The following STX16 variants were observed in gnomAD, a reference collection of about 807,000 sequenced individuals.
The protein encoded by STX16 is syntaxin-16.
In STX16, 28 loss-of-function variants were observed where a neutral mutation model predicts 42.7. The observed-to-expected ratio is 0.66, with a 90% CI of 0.49 to 0.90. STX16 has a LOEUF of 0.90. Among genes scored for constraint, STX16 ranks in the 40% least tolerant of loss-of-function variants. The probability of loss-of-function intolerance (pLI) is 0.00; values close to 1 mark genes in which losing one functional copy is unlikely to be tolerated. For missense variants in STX16, 361 were observed against 420.9 expected, an observed-to-expected ratio of 0.86 and a Z score of 1.24; for synonymous variants, 156 against 155.2, an observed-to-expected ratio of 1.00 and a Z score of -0.04.
At position 58,673,643 on chromosome 20, in the gene STX16, G is replaced by C. The variant is rs1214387672; in HGVS notation, c.805G>C (p.Asp269His). The change falls in exon 8 of 9, where the codon GAC (aspartate) becomes CAC (histidine). Residue 269 changes from aspartate to histidine, a missense_variant. Coordinates refer to ENST00000371141, the MANE Select transcript of STX16 (RefSeq NM_001001433.3). Reference protein sequence around the residue: ...AMIVEQGTVLDRIDYNVEQSC... With the variant: ...AMIVEQGTVLHRIDYNVEQSC... The stretch of plus-strand genomic sequence containing the variant: ...ATTTATTACCTAGGGTACAGTCCTT[G>C]ACAGAATTGACTATAACGTTGAACA... The C allele has an allele frequency of 6.2e-7, 1 of 1,612,410 alleles. No homozygotes were observed. The highest frequency in any genetic ancestry group is 1.3e-5 in the African/African-American group (1 of 74,910).
At chr20:58,659,558 C>T in intron 1 of STX16, 65 bp from the exon 2 acceptor site, 1 of 1,565,440 alleles carries the variant, frequency 6.4e-7, no homozygotes, top group South Asian at 1.2e-5. Context: ...TCTGTCTGTC[C>T]CATGCTGCTT....
Position 58,671,239 on chromosome 20 carries a change from A to G in STX16, c.734A>G (p.Gln245Arg). The change falls in exon 7 of 9, where the codon CAG becomes CGG. Residue 245 changes from glutamine (Q) to arginine (R), a missense_variant. Physicochemically the swap from Gln to Arg is conservative, Grantham distance 43. Coordinates refer to ENST00000371141, the MANE Select transcript of STX16 (RefSeq NM_001001433.3). ...EREREIRQIVQSISDLNEIFR... is the reference protein window; with the variant it reads ...EREREIRQIVRSISDLNEIFR... ...GAACGAGAGATTCGCCAGATTGTAC[A>G]GTCCATTTCTGACCTGAATGAAATA... 2.5e-6 allele frequency: 4 copies of G among 1,614,018 alleles called. No homozygotes were observed. The highest frequency in any genetic ancestry group is 1.1e-5 in the South Asian group (1 of 91,066).
At chr20:58,675,376 T>TC (rs1266360140) in intron 8 of STX16, among the ~76,000 whole-genome samples, 1 of 152,242 alleles carries the variant, frequency 6.6e-6, no homozygotes, top group Non-Finnish European at 1.5e-5. Flanking sequence ...TGGACGTGCC[T>TC]CCCGGCGCCC....
chr20:58,652,369 G>T, intron 1 of STX16: 1 of 543,800 alleles, frequency 1.8e-6, no homozygotes, highest in South Asian at 1.7e-5. Context: ...CACTTCCGCA[G>T]CACCCCCCCC....
At chr20:58,673,215 A>G (rs148721694) in intron 7 of STX16, among the ~76,000 whole-genome samples, 2 of 152,306 alleles carry the variant, frequency 1.3e-5, no homozygotes, top group East Asian at 3.9e-4. Context: ...TACTTATGAC[A>G]GGGGCGAGCT....
At position 58,673,624 on chromosome 20, in the gene STX16, T is replaced by C; in HGVS notation, c.793-7T>C. The C allele has an allele frequency of 6.3e-7, 1 of 1,599,220 alleles. No homozygotes were observed. The highest frequency in any genetic ancestry group is 1.1e-5 in the South Asian group (1 of 90,406). On this transcript the variant is annotated splice_polypyrimidine_tract_variant and splice_region_variant and intron_variant, in intron 7 of 8. Coordinates refer to ENST00000371141, the MANE Select transcript of STX16 (RefSeq NM_001001433.3). ...TTGATTGTCTGTAACTGTCATTTAT[T>C]ACCTAGGGTACAGTCCTTGACAGAA...
At chr20:58,669,982 TCA>T (rs2083930736) in intron 5 of STX16, among the ~76,000 whole-genome samples, 2 of 152,226 alleles carry the variant, frequency 1.3e-5, no homozygotes. Context: ...AGCTCTCTTC[TCA>T]TTCTAATCAC....
intron 7 of STX16, among the ~76,000 whole-genome samples, 161 bp downstream of exon 7, chr20:58,671,458 GTGTGTGTGTGTGTGTA>G (rs1218313470): frequency 3.1e-5 from 4 of 127,998 alleles, no homozygotes; most frequent in African/African-American, 1.2e-4. Context: ...GTGTGTGTGT[GTGTGTGTGTGTGTGTA>G]TATTAATATT....
At chr20:58,664,238 C>T (rs1023143571) in intron 2 of STX16, among the ~76,000 whole-genome samples, 14 of 152,122 alleles carry the variant, frequency 9.2e-5, no homozygotes, top group African/African-American at 4.8e-5. Context: ...AAATAGTTGA[C>T]GCTTATCTTC....
At chr20:58,670,988 T>C (rs1017777231) in intron 6 of STX16, among the ~76,000 whole-genome samples, 166 bp from the exon 7 acceptor site, 2 of 152,226 alleles carry the variant, frequency 1.3e-5, no homozygotes, top group Non-Finnish European at 2.9e-5. Flanking sequence ...TTTGAATCTT[T>C]CCTGTTAGGG....
chr20:58,662,728 A>G (rs1192211395), intron 2 of STX16, among the ~76,000 whole-genome samples: 1 of 152,018 alleles, frequency 6.6e-6, no homozygotes, highest in Non-Finnish European at 1.5e-5. Flanking sequence ...GAGTTTTGAC[A>G]TGTTGCTCAG....
chr20:58,652,378 C>CT (rs1555838373), intron 1 of STX16: 43 of 587,654 alleles, frequency 7.3e-5, no homozygotes, highest in African/African-American at 6.6e-4. Context: ...AGCACCCCCC[C>CT]CCCCGCACCC....
At chr20:58,674,010 A>T (rs2084044026) in intron 8 of STX16, among the ~76,000 whole-genome samples, 1 of 152,212 alleles carries the variant, frequency 6.6e-6, no homozygotes, top group Non-Finnish European at 1.5e-5. Context: ...AAAATATTTC[A>T]TTCTTTTCTA....
intron 2 of STX16, among the ~76,000 whole-genome samples, chr20:58,663,773 G>T (rs888851488): frequency 2.0e-5 from 3 of 152,256 alleles, no homozygotes; most frequent in Non-Finnish European, 4.4e-5. Context: ...TGCCTTCCGG[G>T]TTCAAGTGAT....
At chr20:58,667,422 A>G (rs947240237) in intron 2 of STX16, 68 bp from the exon 3 acceptor site, 2 of 1,227,794 alleles carry the variant, frequency 1.6e-6, no homozygotes, top group Non-Finnish European at 2.4e-6. Flanking sequence ...CATTTAAGAG[A>G]GAGTAAGAGT....
At chr20:58,671,962 G>A (rs2083987958) in intron 7 of STX16, among the ~76,000 whole-genome samples, 1 of 152,068 alleles carries the variant, frequency 6.6e-6, no homozygotes, top group African/African-American at 2.4e-5. Flanking sequence ...TTAACATGAT[G>A]CCACAGGTGG....
intron 2 of STX16, among the ~76,000 whole-genome samples, chr20:58,662,953 C>G (rs968343389): frequency 1.3e-5 from 2 of 152,162 alleles, no homozygotes; most frequent in Non-Finnish European, 2.9e-5. Flanking sequence ...CTTTTATCCA[C>G]ATGCTTATTC....
chr20:58,671,424 TTA>T lies in STX16; in HGVS notation c.792+129_792+130del, dbSNP rs1555843023. ...CCCAACATGTGTGTGCACCTGTCCT[TTA>T]TGTGTGTGTGGGTGTGTGTGTGTGT... On this transcript the variant is annotated intron_variant, in intron 7 of 8. Transcript: ENST00000371141. The T allele has an allele frequency of 1.2e-4, 66 of 570,660 alleles. No individual in the cohort carries two copies. In the African/African-American group the frequency reaches 1.2e-3, roughly 10 times the overall value. The allele number at this position is 570,660 out of a possible 1,614,324, so 35.3% of individuals were successfully genotyped here.
intron 4 of STX16, 73 bp from the exon 5 acceptor site, chr20:58,669,218 C>A: frequency 6.6e-7 from 1 of 1,522,260 alleles, no homozygotes; most frequent in Non-Finnish European, 8.9e-7. Context: ...CTCACTCTGG[C>A]TTGTGATGTG....
Sources: gnomAD v4.1 joint callset for allele counts (sites outside exome capture counted in the v4.1 genomes callset) on GRCh38, gnomAD v4.1.1 for gene constraint, MANE v1.5 for transcripts, NCBI Gene and HGNC (gene_info 2026-07-23, HGNC 2026-07-21) for gene names.